IGF2BP2: variants seen among roughly 807,000 people sequenced by gnomAD.
IGF2BP2 encodes insulin-like growth factor 2 mRNA-binding protein 2.
In IGF2BP2, 17 loss-of-function variants were observed where a neutral mutation model predicts 75.8. The ratio of observed to expected loss-of-function variants is 0.22; its 90% confidence interval spans 0.15 to 0.34. The LOEUF (loss-of-function observed/expected upper bound fraction) is 0.34, where lower values mean the gene tolerates loss of function less well. Among genes scored for constraint, IGF2BP2 ranks in the 10% least tolerant of loss-of-function variants. The pLI, the probability that IGF2BP2 is intolerant of heterozygous loss-of-function variation, is 1.00. For synonymous variants in IGF2BP2, 288 were observed against 295.6 expected (o/e 0.97, Z 0.26); for missense variants, 516 against 772.4 (o/e 0.67, Z 3.93).
chr3:185,717,673 G>A (rs976882536), intron 2 of IGF2BP2: 1 of 152,262 alleles, frequency 6.6e-6, no homozygotes, highest in African/African-American at 2.4e-5. Context: ...GCTGGAGAGC[G>A]AGCTTTGAAA....
chr3:185,663,487 C>T (rs1716802766), intron 10 of IGF2BP2, among the ~76,000 whole-genome samples: 1 of 152,178 alleles, frequency 6.6e-6, no homozygotes, highest in Admixed American at 6.5e-5. Context: ...ATATATAAAA[C>T]ACACTTGTGA....
rs190247922 is a variant in IGF2BP2, at chr3:185,665,242, G to A, written c.1201-6833C>T. Among the ~76,000 whole-genome samples the A allele has an allele frequency of 1.2e-3, 161 of 136,902 alleles. 1 individual carries two copies. The Middle Eastern group carries it at 0.013, about 11-fold the overall frequency. The allele number at this position is 136,902 out of a possible 152,430, so 89.8% of individuals were successfully genotyped here. A position where few individuals can be genotyped will look rare whatever the true frequency, so the allele number is the denominator to read the frequency against. On this transcript the variant is annotated intron_variant, in intron 10 of 15. Transcript: ENST00000382199. The stretch of plus-strand genomic sequence containing the variant: ...AGAGGAGGAGGAGGAGGAGGAGAAG[G>A]AGAAGAAGGAGAAGGAGGAGGAGGA...
intron 10 of IGF2BP2, among the ~76,000 whole-genome samples, chr3:185,666,261 T>C (rs1717608904): frequency 6.6e-6 from 1 of 152,172 alleles, no homozygotes; most frequent in Non-Finnish European, 1.5e-5. Context: ...CACAAGAAGC[T>C]GTTTGTAGTG....
chr3:185,660,906 A>G (rs967903562), intron 10 of IGF2BP2, among the ~76,000 whole-genome samples: 1 of 152,176 alleles, frequency 6.6e-6, no homozygotes, highest in Non-Finnish European at 1.5e-5. Context: ...ATGATTTGCC[A>G]TTTCCTTACA....
At chr3:185,697,333 T>G (rs1157940871) in intron 3 of IGF2BP2, among the ~76,000 whole-genome samples, 2 of 152,196 alleles carry the variant, frequency 1.3e-5, no homozygotes, top group East Asian at 3.8e-4. Flanking sequence ...CTCAAACTCC[T>G]GACCTCAAGT....
intron 2 of IGF2BP2, among the ~76,000 whole-genome samples, chr3:185,819,472 G>A (rs1413383377): frequency 6.6e-6 from 1 of 151,894 alleles, no homozygotes; most frequent in East Asian, 1.9e-4. Flanking sequence ...ATATCACCAA[G>A]TTCACTTTTT....
At chr3:185,677,862 G>A (rs1485431141) in intron 7 of IGF2BP2, among the ~76,000 whole-genome samples, 1 of 152,178 alleles carries the variant, frequency 6.6e-6, no homozygotes, top group East Asian at 1.9e-4. Context: ...TGACCAGACA[G>A]AGGAAAGGAC....
Position 185,823,161 on chromosome 3 carries a change from T to G in IGF2BP2, c.231A>C (p.Lys77Asn). Reference sequence around the variant, plus strand: ...AAGCAAAGTATATTTACCTTAGCTTTTTAGAGACTGAGTAATCAACTTCCA... The same window carrying G: ...AAGCAAAGTATATTTACCTTAGCTTGTTAGAGACTGAGTAATCAACTTCCA... ...KIMEVDYSVS[K>N]KLRSRKIQIR... is the part of the protein sequence containing the mutation. The change falls in exon 2 of 16, where the codon AAA (lysine) becomes AAC (asparagine). Residue 77 changes from lysine to asparagine, a missense_variant. Around this residue, in one of 3 missense-constraint regions of IGF2BP2, gnomAD observed 312 missense variants for 474.5 expected, o/e 0.66. Transcript: ENST00000382199. 3.1e-6 allele frequency: 5 copies of G among 1,605,584 alleles called. No homozygotes were observed. The highest frequency in any genetic ancestry group is 4.3e-6 in the Non-Finnish European group (5 of 1,176,108).
At chr3:185,801,932 C>G (rs1738343662) in intron 2 of IGF2BP2, among the ~76,000 whole-genome samples, 2 of 151,912 alleles carry the variant, frequency 1.3e-5, no homozygotes, top group South Asian at 4.1e-4. Context: ...AACCAAACAC[C>G]ACCTGTTCTC....
chr3:185,692,774 G>A lies in IGF2BP2; in HGVS notation c.341-12C>T, dbSNP rs1722119050. ...TGTGTCTGTGTTGACTAGGGAAAAGGCAAAAACTACACTGTCATAGGAAAA... is the reference window on the plus strand; with the variant it reads ...TGTGTCTGTGTTGACTAGGGAAAAGACAAAAACTACACTGTCATAGGAAAA... On this transcript the variant is annotated splice_polypyrimidine_tract_variant and intron_variant, in intron 4 of 15. Coordinates refer to ENST00000382199, the MANE Select transcript of IGF2BP2 (RefSeq NM_006548.6). 4 of 1,613,086 alleles carry A rather than the reference G, an allele frequency of 2.5e-6. No homozygotes were observed. The highest frequency in any genetic ancestry group is 2.5e-6 in the Non-Finnish European group (3 of 1,179,336).
intron 2 of IGF2BP2, among the ~76,000 whole-genome samples, chr3:185,755,111 C>T (rs1731440654): frequency 6.6e-6 from 1 of 152,166 alleles, no homozygotes; most frequent in Non-Finnish European, 1.5e-5. Context: ...TTTCAGAAAT[C>T]TTCCAGGTTA....
chr3:185,747,829 T>TTCTACTCTACTCTACTCTACTCTAC (rs71632078), intron 2 of IGF2BP2, among the ~76,000 whole-genome samples: 3,483 of 150,608 alleles, frequency 0.023, 137 homozygotes, highest in African/African-American at 0.077. Context: ...TTTTATTTTA[T>TTCTACTCTACTCTACTCTACTCTAC]TCTACTCTAC....
At chr3:185,799,475 A>G (rs1737888571) in intron 2 of IGF2BP2, among the ~76,000 whole-genome samples, 1 of 152,136 alleles carries the variant, frequency 6.6e-6, no homozygotes, top group Non-Finnish European at 1.5e-5. Context: ...AATGCCAGGC[A>G]CGGTGGCTCA....
At chr3:185,716,056 T>G (rs1002427375) in intron 2 of IGF2BP2, among the ~76,000 whole-genome samples, 2 of 152,166 alleles carry the variant, frequency 1.3e-5, no homozygotes, top group Non-Finnish European at 2.9e-5. Flanking sequence ...TCTAATACTC[T>G]TCTGTTTTTA....
At position 185,696,334 on chromosome 3, in the gene IGF2BP2, C is replaced by A. The variant is rs1722574288; in HGVS notation, c.340+278G>T. 7.8e-6 allele frequency: 3 copies of A among 384,580 alleles called. No individual in the cohort carries two copies. In the South Asian group the frequency reaches 1.8e-4, roughly 23 times the overall value. 23.8% of individuals were successfully genotyped at this position (384,580 alleles called of 1,614,324 possible). A position where few individuals can be genotyped will look rare whatever the true frequency, so the allele number is the denominator to read the frequency against. On this transcript the variant is annotated intron_variant, in intron 4 of 15. Coordinates refer to ENST00000382199, the MANE Select transcript of IGF2BP2 (RefSeq NM_006548.6). Reference sequence around the variant, plus strand: ...GTGAATTAAGCTTACCCTAGCCTGACAGCGTTTGTCAGTGCTTGAGCACAC... The same window carrying A: ...GTGAATTAAGCTTACCCTAGCCTGAAAGCGTTTGTCAGTGCTTGAGCACAC...
At chr3:185,758,829 G>A (rs547094161) in intron 2 of IGF2BP2, among the ~76,000 whole-genome samples, 15 of 152,276 alleles carry the variant, frequency 9.9e-5, no homozygotes, top group African/African-American at 2.9e-4. Context: ...AACCACCCTC[G>A]TGTCATGGTC....
intron 2 of IGF2BP2, among the ~76,000 whole-genome samples, chr3:185,737,863 T>C (rs1454249629): frequency 6.6e-6 from 1 of 152,230 alleles, no homozygotes; most frequent in Non-Finnish European, 1.5e-5. Context: ...CTGCTGTCTC[T>C]TGGATTATGC....
chr3:185,723,285 T>A (rs2149477830), intron 2 of IGF2BP2, among the ~76,000 whole-genome samples: 1 of 152,350 alleles, frequency 6.6e-6, no homozygotes, highest in South Asian at 2.1e-4. Flanking sequence ...GAAATGATCA[T>A]ATTTCCAATA....
chr3:185,772,790 C>T (rs929181102), intron 2 of IGF2BP2, among the ~76,000 whole-genome samples: 7 of 152,108 alleles, frequency 4.6e-5, no homozygotes, highest in African/African-American at 1.7e-4. Context: ...CCATGTTAGC[C>T]AGGCTAGTCT....
Sources: allele counts gnomAD v4.1 joint callset (sites outside exome capture counted in the v4.1 genomes callset), GRCh38; gene constraint gnomAD v4.1.1; regional missense constraint gnomAD v4.1.1; transcripts MANE v1.5; gene names NCBI Gene and HGNC (gene_info 2026-07-23, HGNC 2026-07-21).